SGCZ: variants seen among roughly 807,000 people sequenced by gnomAD.
SGCZ encodes the protein zeta-sarcoglycan.
Under a neutral mutation model 41.3 loss-of-function variants are expected in SGCZ, and 40 were observed. The observed-to-expected ratio is 0.97, with a 90% CI of 0.75 to 1.26. The LOEUF is 1.26. Ranked by LOEUF, SGCZ falls within the 50% of genes most tolerant of loss-of-function variation. The pLI is 0.00. For synonymous variants in SGCZ, 206 were observed against 137.5 expected (o/e 1.50, Z -3.49); for missense variants, 552 against 369.8 (o/e 1.49, Z -4.04).
intron 3 of SGCZ, among the ~76,000 whole-genome samples, chr8:14,271,646 T>C (rs1433656167): frequency 6.6e-6 from 1 of 152,166 alleles, no homozygotes; most frequent in Non-Finnish European, 1.5e-5. Flanking sequence ...GAAAGATTTT[T>C]TTCCTGGTTT....
At chr8:14,896,024 A>G (rs577020933) in intron 1 of SGCZ, among the ~76,000 whole-genome samples, 4 of 152,330 alleles carry the variant, frequency 2.6e-5, no homozygotes, top group Non-Finnish European at 2.9e-5. Flanking sequence ...TCCAATCTCT[A>G]CTTAGATCTT....
At chr8:14,830,065 C>A (rs1001832764) in intron 1 of SGCZ, among the ~76,000 whole-genome samples, 8 of 152,220 alleles carry the variant, frequency 5.3e-5, no homozygotes, top group Admixed American at 6.5e-5. Context: ...ACGCCTTGGC[C>A]TCCCAAAGTG....
At chr8:15,054,966 A>C (rs1804652267) in intron 1 of SGCZ, among the ~76,000 whole-genome samples, 2 of 151,838 alleles carry the variant, frequency 1.3e-5, no homozygotes, top group Admixed American at 6.6e-5. Context: ...CATCTCAAAA[A>C]AAAAAAAAAA....
At chr8:14,392,734 A>T (rs1004016992) in intron 2 of SGCZ, among the ~76,000 whole-genome samples, 25 of 152,326 alleles carry the variant, frequency 1.6e-4, no homozygotes, top group Non-Finnish European at 2.9e-4. Flanking sequence ...TAATAAAACT[A>T]TATGTGATTT....
chr8:14,487,789 A>C (rs1482165686), intron 2 of SGCZ: 4 of 152,172 alleles, frequency 2.6e-5, no homozygotes, highest in Admixed American at 2.0e-4. Flanking sequence ...ATTGTGTCAC[A>C]AATCCAAATC....
At chr8:14,918,920 C>T (rs1042073806) in intron 1 of SGCZ, among the ~76,000 whole-genome samples, 10 of 152,120 alleles carry the variant, frequency 6.6e-5, no homozygotes, top group Non-Finnish European at 1.5e-4. Flanking sequence ...GGTCTGAAGG[C>T]AGCATATGTT....
At chr8:14,500,156 G>C (rs1947706) in intron 2 of SGCZ, among the ~76,000 whole-genome samples, 33,800 of 151,840 alleles carry the variant, frequency 0.22, 3,770 homozygotes, top group South Asian at 0.25. Flanking sequence ...TGAATTTCTT[G>C]TTTCATACAT....
At chr8:14,275,760 T>C (rs763220201) in intron 3 of SGCZ, among the ~76,000 whole-genome samples, 25 of 152,246 alleles carry the variant, frequency 1.6e-4, no homozygotes, top group Non-Finnish European at 3.2e-4. Context: ...TTTTGTGCAA[T>C]GGAATCCTTC....
chr8:15,033,706 G>A (rs371518760), intron 1 of SGCZ, among the ~76,000 whole-genome samples: 2 of 152,128 alleles, frequency 1.3e-5, no homozygotes, highest in African/African-American at 2.4e-5. Flanking sequence ...GTTGGCTCCT[G>A]CAGACTCCAA....
chr8:14,447,099 T>G (rs1800454763), intron 2 of SGCZ, among the ~76,000 whole-genome samples: 1 of 152,178 alleles, frequency 6.6e-6, no homozygotes, highest in Admixed American at 6.5e-5. Flanking sequence ...ATGAATTTTC[T>G]TTAGTCAATT....
chr8:15,050,711 A>C (rs1804480230), intron 1 of SGCZ, among the ~76,000 whole-genome samples: 1 of 152,142 alleles, frequency 6.6e-6, no homozygotes, highest in South Asian at 2.1e-4. Flanking sequence ...TTGATAGTGA[A>C]TTGAAGCTGA....
At chr8:14,113,279 A>C (rs1030165041) in intron 5 of SGCZ, among the ~76,000 whole-genome samples, 7 of 152,096 alleles carry the variant, frequency 4.6e-5, no homozygotes, top group African/African-American at 1.7e-4. Context: ...TATCTTTACT[A>C]ATTTTCCCAC....
chr8:14,906,991 C>G (rs1182518760), intron 1 of SGCZ, among the ~76,000 whole-genome samples: 1 of 152,066 alleles, frequency 6.6e-6, no homozygotes, highest in South Asian at 2.1e-4. Context: ...ATTCAATAAC[C>G]TTAAATCATA....
intron 1 of SGCZ, among the ~76,000 whole-genome samples, chr8:14,909,156 A>G (rs534912997): frequency 1.3e-5 from 2 of 152,296 alleles, no homozygotes; most frequent in East Asian, 1.9e-4. Flanking sequence ...TTTAACATCC[A>G]GCCCACTCCT....
intron 1 of SGCZ, among the ~76,000 whole-genome samples, chr8:14,915,531 C>T (rs1799408585): frequency 6.6e-6 from 1 of 152,200 alleles, no homozygotes; most frequent in South Asian, 2.1e-4. Flanking sequence ...AAGATGGCGG[C>T]CCCATCTTCC....
intron 1 of SGCZ, among the ~76,000 whole-genome samples, chr8:14,636,061 T>G (rs541920207): frequency 1.3e-5 from 2 of 151,078 alleles, no homozygotes; most frequent in African/African-American, 4.9e-5. Context: ...ACTAACCTAG[T>G]AAAGGGGCAA....
At chr8:15,167,440 T>A (rs910428311) in intron 1 of SGCZ, among the ~76,000 whole-genome samples, 1 of 141,162 alleles carries the variant, frequency 7.1e-6, no homozygotes, top group Non-Finnish European at 1.5e-5. Context: ...AAGTTCATCT[T>A]GGGACTTAAG....
chr8:15,238,149 C>T lies in SGCZ; in HGVS notation c.-526G>A, dbSNP rs1043007725. 10 of 152,538 alleles carry T rather than the reference C, an allele frequency of 6.6e-5. No homozygotes were observed. The highest frequency in any genetic ancestry group is 1.3e-4 in the Non-Finnish European group (9 of 68,370). 9.4% of individuals were successfully genotyped at this position (152,538 alleles called of 1,614,324 possible). A position where few individuals can be genotyped will look rare whatever the true frequency, so the allele number is the denominator to read the frequency against. On this transcript the variant is annotated 5_prime_UTR_variant, in exon 1 of 8. Coordinates refer to ENST00000382080, the MANE Select transcript of SGCZ (RefSeq NM_139167.4). ...AGGCATTAGCAATGATCAGTTTCCCCGGCAAGATAACAGAATCCCCGAAGT... is the reference window on the plus strand; with the variant it reads ...AGGCATTAGCAATGATCAGTTTCCCTGGCAAGATAACAGAATCCCCGAAGT...
intron 4 of SGCZ, among the ~76,000 whole-genome samples, chr8:14,198,970 A>T (rs1805367731): frequency 6.6e-6 from 1 of 152,102 alleles, no homozygotes; most frequent in South Asian, 2.1e-4. Flanking sequence ...CCCTGTGATG[A>T]TTGTGTTAAC....
Sources: allele counts gnomAD v4.1 joint callset (sites outside exome capture counted in the v4.1 genomes callset), GRCh38; gene constraint gnomAD v4.1.1; transcripts MANE v1.5; gene names NCBI Gene and HGNC (gene_info 2026-07-23, HGNC 2026-07-21).